Variants in AKAP9 observed in about 807,000 individuals in gnomAD.
AKAP9 encodes the protein A-kinase anchor protein 9.
AKAP9 carries 311 observed loss-of-function variants against 488.5 expected under a neutral mutation model. The observed-to-expected ratio is 0.64, with a 90% CI of 0.58 to 0.70. The LOEUF is 0.70. AKAP9 is among the 30% of genes least tolerant of loss of function. The probability of loss-of-function intolerance (pLI) is 0.00; values close to 1 mark genes in which losing one functional copy is unlikely to be tolerated. For missense variants in AKAP9, 4,215 were observed against 4,374.5 expected (o/e 0.96, Z 1.03); for synonymous variants, 1,462 against 1,483.5 (o/e 0.99, Z 0.33).
rs770953045 is a variant in AKAP9, at chr7:92,083,319, T to G, written c.8310T>G (p.Leu2770=). The change falls in exon 33 of 50, where the codon CTT becomes CTG. Residue 2770 remains leucine, a synonymous_variant. Coordinates refer to ENST00000356239, the MANE Select transcript of AKAP9 (RefSeq NM_005751.5). The part of the protein sequence containing the change: ...ESKKACMFEP[L]PIKLSKSIAS... ...AAAAGGCCTGCATGTTTGAGCCACT[T>G]CCTATAAAACTGAGTAAGAGCATTG... 3 of 1,614,098 alleles carry G rather than the reference T, an allele frequency of 1.9e-6. No individual in the cohort carries two copies. The Admixed American group carries it at 5.0e-5, about 27-fold the overall frequency.
In AKAP9 at chr7:91,973,905, T is replaced by G; in HGVS notation, c.243T>G (p.Ser81=). 1 of 1,614,028 alleles carries G rather than the reference T, an allele frequency of 6.2e-7. No individual in the cohort carries two copies. Among genetic ancestry groups the G allele is most frequent in the Non-Finnish European group, 8.5e-7 (1 of 1,179,910 alleles). ...TAGAATCAACTGTGATTCCTGAATCTACAATAATGAGAACTCTACATAGTG... is the reference window on the plus strand; with the variant it reads ...TAGAATCAACTGTGATTCCTGAATCGACAATAATGAGAACTCTACATAGTG... The part of the protein sequence containing the change: ...QRVESTVIPE[S]TIMRTLHSGE... Residue 81 remains serine, a synonymous_variant, in exon 2 of 50, where the codon TCT becomes TCG. Coordinates refer to ENST00000356239, the MANE Select transcript of AKAP9 (RefSeq NM_005751.5).
At chr7:92,053,636 A>G (rs1459372635) in intron 22 of AKAP9, among the ~76,000 whole-genome samples, 1 of 152,272 alleles carries the variant, frequency 6.6e-6, no homozygotes, top group Admixed American at 6.5e-5. Context: ...GATTTTTCCC[A>G]ATTTGTTGAA....
Position 92,083,401 on chromosome 7 carries a change from C to G in AKAP9, c.8392C>G (p.Leu2798Val), listed in dbSNP as rs750034104. 1 of 1,613,920 alleles carries G rather than the reference C, an allele frequency of 6.2e-7. No homozygotes were observed. Among genetic ancestry groups the G allele is most frequent in the South Asian group, 1.1e-5 (1 of 91,076 alleles). ...TAGCAGCAATCAGACTCCACAAATT[C>G]TTGTTAAAAATGCAGGAATACAAAT... is the stretch of plus-strand genomic sequence containing the variant. ...ISSSNQTPQILVKNAGIQINL... is the reference protein window; with the variant it reads ...ISSSNQTPQIVVKNAGIQINL... Residue 2798 changes from leucine to valine, a missense_variant, in exon 33 of 50, where the codon CTT becomes GTT. This residue lies in a region of AKAP9 where 1,476 missense variants were observed against 1,477.4 expected (regional missense o/e 1.00). Coordinates refer to ENST00000356239, the MANE Select transcript of AKAP9 (RefSeq NM_005751.5).
In AKAP9 at chr7:92,040,795, C is replaced by T. The variant is rs777627168; in HGVS notation, c.4814C>T (p.Thr1605Met). 1.7e-5 allele frequency: 28 copies of T among 1,613,528 alleles called. No individual in the cohort carries two copies. In the East Asian group the frequency reaches 4.2e-4, roughly 24 times the overall value. ...CAATACCAAGAACATCAACAGGCAA[C>T]GGAATTGTTAAGGCAAGCACATATG... is the stretch of plus-strand genomic sequence containing the variant. ...VRQYQEHQQA[T>M]ELLRQAHMRQ... The change falls in exon 18 of 50, where the codon ACG becomes ATG. Residue 1605 changes from threonine to methionine, a missense_variant. Thr to Met is a moderately conservative substitution (Grantham distance 81). This residue lies in a region of AKAP9 where 2,361 missense variants were observed against 2,430.0 expected (regional missense o/e 0.97). Coordinates refer to ENST00000356239, the MANE Select transcript of AKAP9 (RefSeq NM_005751.5).
chr7:91,963,482 T>TCTCTCA (rs375244495), intron 1 of AKAP9, among the ~76,000 whole-genome samples: 27 of 139,232 alleles, frequency 1.9e-4, no homozygotes, highest in Admixed American at 1.6e-3. Context: ...AACATATTTG[T>TCTCTCA]CACACACACA....
rs781136562 is a variant in AKAP9, at chr7:92,077,876, G to A, written c.6945+1G>A. On this transcript the variant is annotated splice_donor_variant, in intron 30 of 49. Transcript: ENST00000356239. LOFTEE classifies it high-confidence loss of function. The stretch of plus-strand genomic sequence containing the variant: ...ACTTAAAATTACAACAGATAACAAG[G>A]TATACTCATTTAAAATTGATTATGA... The A allele has an allele frequency of 2.6e-5, 41 of 1,606,488 alleles. 1 individual carries two copies. Among genetic ancestry groups the A allele is most frequent in the Non-Finnish European group, 6.0e-6 (7 of 1,174,880 alleles).
chr7:92,002,814 T>C lies in AKAP9; in HGVS notation c.2897T>C (p.Leu966Ser), dbSNP rs1291724666. 6.2e-7 allele frequency: 1 copy of C among 1,613,524 alleles called. No homozygotes were observed. The highest frequency in any genetic ancestry group is 8.5e-7 in the Non-Finnish European group (1 of 1,179,708). The stretch of plus-strand genomic sequence containing the variant: ...AGACTGTCTGATCTTTCTGAACAAT[T>C]GAAACAGAAACATGGTGAGATTAGT... ...SQRLSDLSEQ[L>S]KQKHGEISFL... The change falls in exon 8 of 50, where the codon TTG (leucine) becomes TCG (serine). Residue 966 changes from leucine to serine, a missense_variant. Leu to Ser is a moderately radical substitution (Grantham distance 145). Transcript: ENST00000356239.
Position 92,082,570 on chromosome 7 carries a change from G to T in AKAP9, c.8068G>T (p.Glu2690Ter). Residue 2690 changes from glutamate to a stop codon, truncating the protein, a stop_gained, in exon 32 of 50, where the codon GAA (glutamate) becomes TAA (stop). Coordinates refer to ENST00000356239, the MANE Select transcript of AKAP9 (RefSeq NM_005751.5). LOFTEE classifies it high-confidence loss of function. The part of the protein sequence containing the change: ...HSNEESGFFN[E>*]LEALRAESVA... ...CAATGAAGAAAGTGGATTTTTTAAT[G>T]AACTCGAGGCTCTTAGAGCTGAATC... The T allele has an allele frequency of 6.2e-7, 1 of 1,613,822 alleles. No homozygotes were observed. The highest frequency in any genetic ancestry group is 1.1e-5 in the South Asian group (1 of 91,050).
intron 27 of AKAP9, among the ~76,000 whole-genome samples, chr7:92,070,646 A>G (rs1386548862): frequency 6.6e-6 from 1 of 151,722 alleles, no homozygotes; most frequent in Non-Finnish European, 1.5e-5. Flanking sequence ...TGTTGATCAG[A>G]CTGGTCTCAA....
In AKAP9 at chr7:92,107,343, T is replaced by C. The variant is rs767126052; in HGVS notation, c.11467T>C (p.Tyr3823His). 9 of 1,613,946 alleles carry C rather than the reference T, an allele frequency of 5.6e-6. 1 individual carries two copies. Among genetic ancestry groups the C allele is most frequent in the East Asian group, 4.5e-5 (2 of 44,844 alleles). The part of the protein sequence containing the change: ...FYHSSGGLEL[Y>H]GEPRHTTYRS... ...TCATTCTTCTGGTGGGCTGGAGTTATATGGAGAACCAAGACATACTACGTA... is the reference window on the plus strand; with the variant it reads ...TCATTCTTCTGGTGGGCTGGAGTTACATGGAGAACCAAGACATACTACGTA... Residue 3823 changes from tyrosine to histidine, a missense_variant, in exon 48 of 50, where the codon TAT (tyrosine) becomes CAT (histidine). By Grantham distance (83) the Tyr-to-His change is moderately conservative. Around this residue, in one of 5 missense-constraint regions of AKAP9, gnomAD observed 253 missense variants for 266.8 expected, o/e 0.95. Transcript: ENST00000356239.
chr7:92,007,174 C>T (rs533694046), intron 8 of AKAP9, among the ~76,000 whole-genome samples: 53 of 151,400 alleles, frequency 3.5e-4, no homozygotes, highest in South Asian at 2.1e-4. Flanking sequence ...TAGGTCCTAA[C>T]CATTGCAAAG....
chr7:92,099,024 T>C (rs1300278521), intron 43 of AKAP9, among the ~76,000 whole-genome samples: 3 of 152,180 alleles, frequency 2.0e-5, no homozygotes, highest in Non-Finnish European at 4.4e-5. Context: ...CATTCCAAAC[T>C]GAACACCATC....
intron 26 of AKAP9, among the ~76,000 whole-genome samples, chr7:92,068,365 CAA>C (rs77237109): frequency 4.3e-5 from 2 of 46,524 alleles, no homozygotes; most frequent in African/African-American, 7.2e-5. Flanking sequence ...GACTCCGTCT[CAA>C]AAAAAAAAAA....
chr7:92,067,767 A>C (rs1810998120), intron 26 of AKAP9, among the ~76,000 whole-genome samples: 1 of 152,208 alleles, frequency 6.6e-6, no homozygotes, highest in South Asian at 2.1e-4. Flanking sequence ...AGGCAATCCC[A>C]GTTTGTATCA....
intron 24 of AKAP9, among the ~76,000 whole-genome samples, chr7:92,064,750 T>A (rs2130829303): frequency 6.6e-6 from 1 of 152,348 alleles, no homozygotes; most frequent in South Asian, 2.1e-4. Context: ...TATATTTCTG[T>A]AACTCTTAGA....
At chr7:92,039,283 C>T (rs1805670081) in intron 17 of AKAP9, among the ~76,000 whole-genome samples, 1 of 152,070 alleles carries the variant, frequency 6.6e-6, no homozygotes, top group African/African-American at 2.4e-5. Context: ...TAAAACAAGT[C>T]TGGTTCATAG....
At chr7:91,993,179 C>CTT in intron 5 of AKAP9, 124 bp downstream of exon 5, 2 of 921,026 alleles carry the variant, frequency 2.2e-6, no homozygotes, top group Non-Finnish European at 3.2e-6. Flanking sequence ...CTTTTCTTTT[C>CTT]TTCTTCTTCT....
intron 7 of AKAP9, among the ~76,000 whole-genome samples, chr7:91,996,308 A>T (rs1276488477): frequency 6.6e-6 from 1 of 152,168 alleles, no homozygotes; most frequent in African/African-American, 2.4e-5. Flanking sequence ...TATTTTACAT[A>T]TATGTGTATC....
Position 92,097,884 on chromosome 7 carries a change from A to G in AKAP9, c.10607+90A>G, listed in dbSNP as rs537497238. The G allele has an allele frequency of 3.8e-6, 5 of 1,331,220 alleles. No individual in the cohort carries two copies. The African/African-American group carries it at 7.2e-5, about 19-fold the overall frequency. The allele number at this position is 1,331,220 out of a possible 1,614,324, so 82.5% of individuals were successfully genotyped here. On this transcript the variant is annotated intron_variant, in intron 42 of 49. Transcript: ENST00000356239. The stretch of plus-strand genomic sequence containing the variant: ...TGGGACAGCTAGCCAAGGGTGGGGA[A>G]TTGAAATTTTAAAGGTAATGCGTGT...
Sources: gnomAD v4.1 joint callset for allele counts (sites outside exome capture counted in the v4.1 genomes callset) on GRCh38, gnomAD v4.1.1 for gene constraint, gnomAD v4.1.1 regional missense constraint, MANE v1.5 for transcripts, NCBI Gene and HGNC (gene_info 2026-07-23, HGNC 2026-07-21) for gene names.